The following IGF1R variants were observed in gnomAD, a reference collection of about 807,000 sequenced individuals.
The protein encoded by IGF1R is insulin like growth factor 1 receptor, also known as insulin-like growth factor 1 receptor.
Under a neutral mutation model 144.6 loss-of-function variants are expected in IGF1R, and 44 were observed. That is an observed-to-expected ratio of 0.30 (90% CI 0.24 to 0.39). IGF1R has a LOEUF of 0.39. Among genes scored for constraint, IGF1R ranks in the 10% least tolerant of loss-of-function variants. IGF1R has a pLI of 1.00. For missense variants in IGF1R, 1,355 were observed against 1,833.7 expected (o/e 0.74, Z 4.77); for synonymous variants, 795 against 722.8 (o/e 1.10, Z -1.60).
rs528959549 is a variant in IGF1R, at chr15:98,958,293, T to TGCCTC, written c.*852_*856dup. ...AGAAGCTGAACCGGCTTCCCTGCCC[T>TGCCTC]GCCTCCCCAGCCCCCTGCCCAACCC... On this transcript the variant is annotated 3_prime_UTR_variant, in exon 21 of 21. Coordinates refer to ENST00000650285, the MANE Select transcript of IGF1R (RefSeq NM_000875.5). 2.6e-3 allele frequency: 604 copies of TGCCTC among 230,030 alleles called. 2 individuals are homozygous for TGCCTC. Among genetic ancestry groups the TGCCTC allele is most frequent in the African/African-American group, 0.012 (556 of 45,112 alleles). The allele number at this position is 230,030 out of a possible 1,614,324, so 14.2% of individuals were successfully genotyped here. A position where few individuals can be genotyped will look rare whatever the true frequency, so the allele number is the denominator to read the frequency against.
rs1469709058 is a variant in IGF1R, at chr15:98,962,774, T to C, written c.*5332T>C. ...ATCAGACCACATCGAGGCTCAGCAG[T>C]CATCCGTGGGCATTTGGTTTCAACA... is the stretch of plus-strand genomic sequence containing the variant. On this transcript the variant is annotated 3_prime_UTR_variant, in exon 21 of 21. Transcript: ENST00000650285. 3 of 233,442 alleles carry C rather than the reference T, an allele frequency of 1.3e-5. No homozygotes were observed. Among genetic ancestry groups the C allele is most frequent in the African/African-American group, 6.6e-5 (3 of 45,360 alleles). The allele number at this position is 233,442 out of a possible 1,614,324, so 14.5% of individuals were successfully genotyped here. A position where few individuals can be genotyped will look rare whatever the true frequency, so the allele number is the denominator to read the frequency against.
In IGF1R at chr15:98,929,597, C is replaced by T. The variant is rs774340895; in HGVS notation, c.2822C>T (p.Pro941Leu). Reference protein sequence around the residue: ...ENFIHLIIALPVAVLLIVGGL... With the variant: ...ENFIHLIIALLVAVLLIVGGL... ...TTCATCCATCTGATCATCGCTCTGC[C>T]CGTCGCTGTCCTGTTGATCGTGGGA... The change falls in exon 14 of 21, where the codon CCC (proline) becomes CTC (leucine). Residue 941 changes from proline to leucine, a missense_variant. Around this residue, in one of 7 missense-constraint regions of IGF1R, gnomAD observed 880 missense variants for 1,202.7 expected, o/e 0.73. Coordinates refer to ENST00000650285, the MANE Select transcript of IGF1R (RefSeq NM_000875.5). 6.2e-7 allele frequency: 1 copy of T among 1,614,098 alleles called. No individual in the cohort carries two copies. The highest frequency in any genetic ancestry group is 8.5e-7 in the Non-Finnish European group (1 of 1,180,000).
intron 10 of IGF1R, among the ~76,000 whole-genome samples, chr15:98,921,242 G>A (rs946865599): frequency 6.6e-6 from 1 of 152,088 alleles, no homozygotes; most frequent in Non-Finnish European, 1.5e-5. Context: ...GTTGGTTCCT[G>A]TAAACATTAG....
intron 7 of IGF1R, 143 bp from the exon 8 acceptor site, chr15:98,912,898 TTTC>T (rs2015084364): frequency 4.4e-5 from 29 of 665,028 alleles, no homozygotes; most frequent in South Asian, 4.2e-4. Flanking sequence ...AGTCACTTCA[TTTC>T]TTCTTCTATA....
At position 98,963,600 on chromosome 15, in the gene IGF1R, A is replaced by G. The variant is rs1387386852; in HGVS notation, c.*6158A>G. 4.3e-6 allele frequency: 1 copy of G among 233,170 alleles called. No individual in the cohort carries two copies. The highest frequency in any genetic ancestry group is 8.5e-6 in the Non-Finnish European group (1 of 118,054). The allele number at this position is 233,170 out of a possible 1,614,324, so 14.4% of individuals were successfully genotyped here. The stretch of plus-strand genomic sequence containing the variant: ...AGCACAGTGCCATGGACATGGGAAG[A>G]CTTGACTGCACAGCCAATGGTTTTC... On this transcript the variant is annotated 3_prime_UTR_variant, in exon 21 of 21. Transcript: ENST00000650285.
In IGF1R at chr15:98,957,371, C is replaced by T. The variant is rs1309250208; in HGVS notation, c.4033C>T (p.Pro1345Ser). ...CCGCGCCAGCTTCGACGAGAGACAG[C>T]CTTACGCCCACATGAACGGGGGCCG... ...VLRASFDERQ[P>S]YAHMNGGRKN... Residue 1345 changes from proline to serine, a missense_variant, in exon 21 of 21, where the codon CCT becomes TCT. Coordinates refer to ENST00000650285, the MANE Select transcript of IGF1R (RefSeq NM_000875.5). The T allele has an allele frequency of 6.2e-7, 1 of 1,613,402 alleles. No homozygotes were observed. Among genetic ancestry groups the T allele is most frequent in the South Asian group, 1.1e-5 (1 of 91,068 alleles).
At position 98,704,325 on chromosome 15, in the gene IGF1R, G is replaced by A. The variant is rs1198784115; in HGVS notation, c.95-3237G>A. On this transcript the variant is annotated intron_variant, in intron 1 of 20. Coordinates refer to ENST00000650285, the MANE Select transcript of IGF1R (RefSeq NM_000875.5). The surrounding 1 kb of genome is among the most constrained non-coding windows in gnomAD (Gnocchi z 4.9). The stretch of plus-strand genomic sequence containing the variant: ...GGTGTTTAGGCAGAGCTCTGAGGAG[G>A]TGACGTTTGAGTGGAGACCCAGATG... Among the ~76,000 whole-genome samples, 2 of 152,182 alleles carry A rather than the reference G, an allele frequency of 1.3e-5. No individual in the cohort carries two copies. Among genetic ancestry groups the A allele is most frequent in the African/African-American group, 2.4e-5 (1 of 41,450 alleles).
At chr15:98,713,437 A>G (rs1359808905) in intron 2 of IGF1R, among the ~76,000 whole-genome samples, 2 of 152,196 alleles carry the variant, frequency 1.3e-5, no homozygotes, top group Non-Finnish European at 2.9e-5. Flanking sequence ...ACTGAGGAGT[A>G]CTGACCAGAA....
chr15:98,923,425 G>A (rs1023950053), intron 11 of IGF1R, among the ~76,000 whole-genome samples: 2 of 152,244 alleles, frequency 1.3e-5, no homozygotes, highest in African/African-American at 2.4e-5. Flanking sequence ...TGTCACAGCC[G>A]GCAGGCCCCG....
At chr15:98,933,788 C>G (rs1041275124) in intron 15 of IGF1R, among the ~76,000 whole-genome samples, 1 of 152,108 alleles carries the variant, frequency 6.6e-6, no homozygotes, top group African/African-American at 2.4e-5. Flanking sequence ...AACGCCTCTG[C>G]CCGTCCGCTG....
chr15:98,786,172 AC>A (rs2055990480), intron 2 of IGF1R, among the ~76,000 whole-genome samples: 1 of 152,096 alleles, frequency 6.6e-6, no homozygotes, highest in Non-Finnish European at 1.5e-5. Flanking sequence ...CAGTTTCCCC[AC>A]CAGTTGACCT....
At chr15:98,847,200 C>A (rs2011362779) in intron 2 of IGF1R, among the ~76,000 whole-genome samples, 1 of 152,180 alleles carries the variant, frequency 6.6e-6, no homozygotes. Flanking sequence ...TGGTCTCGAA[C>A]TCCTGACCTC....
At chr15:98,679,982 T>C (rs1025778982) in intron 1 of IGF1R, among the ~76,000 whole-genome samples, 1 of 151,900 alleles carries the variant, frequency 6.6e-6, no homozygotes, top group Non-Finnish European at 1.5e-5. Context: ...AAAAAGCTTA[T>C]AGAATAAGAA....
chr15:98,818,167 T>C (rs1423850719), intron 2 of IGF1R, among the ~76,000 whole-genome samples: 2 of 151,830 alleles, frequency 1.3e-5, no homozygotes, highest in Non-Finnish European at 2.9e-5. Context: ...TTCAACAGAG[T>C]CACATGAGGG....
chr15:98,703,109 TC>T (rs1265160947), intron 1 of IGF1R, among the ~76,000 whole-genome samples: 10 of 152,080 alleles, frequency 6.6e-5, no homozygotes, highest in Middle Eastern at 3.2e-3. Context: ...GGCCCCACTG[TC>T]CCCATCTTCC....
chr15:98,775,944 A>C (rs1028550696), intron 2 of IGF1R, among the ~76,000 whole-genome samples: 24 of 152,214 alleles, frequency 1.6e-4, no homozygotes, highest in Non-Finnish European at 2.6e-4. Flanking sequence ...GAAGAGACTG[A>C]TAGTTGAAAG....
At chr15:98,709,950 G>T (rs1220655177) in intron 2 of IGF1R, among the ~76,000 whole-genome samples, 1 of 152,182 alleles carries the variant, frequency 6.6e-6, no homozygotes. Flanking sequence ...TGGGGTAGGG[G>T]TGAGGCCTGC....
At position 98,961,634 on chromosome 15, in the gene IGF1R, C is replaced by T. The variant is rs2017230970; in HGVS notation, c.*4192C>T. ...TCACACTGCTTGAAGTCATATGAAC[C>T]ACTGAGGCACATCATGGAATTGATG... On this transcript the variant is annotated 3_prime_UTR_variant, in exon 21 of 21. Coordinates refer to ENST00000650285, the MANE Select transcript of IGF1R (RefSeq NM_000875.5). The T allele has an allele frequency of 4.3e-6, 1 of 233,634 alleles. No individual in the cohort carries two copies. The highest frequency in any genetic ancestry group is 8.5e-6 in the Non-Finnish European group (1 of 118,072). The allele number at this position is 233,634 out of a possible 1,614,324, so 14.5% of individuals were successfully genotyped here. A position where few individuals can be genotyped will look rare whatever the true frequency, so the allele number is the denominator to read the frequency against.
chr15:98,960,396 T>C lies in IGF1R; in HGVS notation c.*2954T>C, dbSNP rs917047137. On this transcript the variant is annotated 3_prime_UTR_variant, in exon 21 of 21. Coordinates refer to ENST00000650285, the MANE Select transcript of IGF1R (RefSeq NM_000875.5). ...GCCAACGAGGGCACCAGAGCACACCTGGGGGAGCCACCAGGCTGTCCCTGG... is the reference window on the plus strand; with the variant it reads ...GCCAACGAGGGCACCAGAGCACACCCGGGGGAGCCACCAGGCTGTCCCTGG... 3 of 233,122 alleles carry C rather than the reference T, an allele frequency of 1.3e-5. No individual in the cohort carries two copies. Among genetic ancestry groups the C allele is most frequent in the African/African-American group, 2.2e-5 (1 of 45,348 alleles). The allele number at this position is 233,122 out of a possible 1,614,324, so 14.4% of individuals were successfully genotyped here.
Sources: gnomAD v4.1 joint callset for allele counts (sites outside exome capture counted in the v4.1 genomes callset) on GRCh38, gnomAD v4.1.1 for gene constraint, gnomAD v4.1.1 regional missense constraint, Gnocchi (gnomAD v3.1) non-coding constraint, MANE v1.5 for transcripts, NCBI Gene and HGNC (gene_info 2026-07-23, HGNC 2026-07-21) for gene names.